The following C5 variants were observed in gnomAD, a reference collection of about 807,000 sequenced individuals.
The protein encoded by C5 is complement C5, also known as C3 and PZP-like alpha-2-macroglobulin domain-containing protein 4.
C5 carries 140 observed loss-of-function variants against 218.8 expected under a neutral mutation model. That is an observed-to-expected ratio of 0.64 (90% confidence interval 0.56 to 0.74). The LOEUF (loss-of-function observed/expected upper bound fraction) is 0.74. Among genes scored for constraint, C5 ranks in the 30% least tolerant of loss-of-function variants. The pLI, the probability that C5 is intolerant of heterozygous loss-of-function variation, is 0.00. For synonymous variants in C5, 614 were observed against 682.3 expected (o/e 0.90, Z 1.56); for missense variants, 1,700 against 1,969.6 (o/e 0.86, Z 2.59).
chr9:121,045,382 C>T (rs187697930), intron 2 of C5, among the ~76,000 whole-genome samples: 36 of 152,024 alleles, frequency 2.4e-4, no homozygotes, highest in East Asian at 1.2e-3. Flanking sequence ...AAACTTAAAA[C>T]GGTACAATCT....
intron 22 of C5, among the ~76,000 whole-genome samples, chr9:120,994,270 T>C (rs1406231556): frequency 1.3e-5 from 2 of 152,128 alleles, no homozygotes; most frequent in South Asian, 2.1e-4. Flanking sequence ...CATAGTTGTA[T>C]AGCGATTTCA....
At chr9:121,023,111 G>A (rs930489729) in intron 10 of C5, among the ~76,000 whole-genome samples, 20 of 152,180 alleles carry the variant, frequency 1.3e-4, no homozygotes, top group African/African-American at 4.3e-4. Flanking sequence ...AGAGTCTTAT[G>A]AGATTTTATT....
intron 5 of C5, among the ~76,000 whole-genome samples, chr9:121,034,248 G>T (rs1295140678): frequency 1.3e-5 from 2 of 152,146 alleles, no homozygotes; most frequent in Non-Finnish European, 2.9e-5. Flanking sequence ...AGCAGGGACT[G>T]TGGATTATTT....
intron 22 of C5, among the ~76,000 whole-genome samples, chr9:120,993,164 G>A (rs950886847): frequency 1.3e-5 from 2 of 152,184 alleles, no homozygotes; most frequent in Admixed American, 6.5e-5. Flanking sequence ...GTGTTGGTGA[G>A]GTTGTGGAGA....
intron 18 of C5, 114 bp from the exon 19 acceptor site, chr9:121,007,091 T>A (rs1224910663): frequency 2.7e-6 from 2 of 750,958 alleles, no homozygotes; most frequent in African/African-American, 1.7e-5. Context: ...AAGAAAAAAA[T>A]TCACGAGATG....
intron 3 of C5, 54 bp downstream of exon 3, chr9:121,042,950 A>G: frequency 7.1e-7 from 1 of 1,411,670 alleles, no homozygotes; most frequent in Non-Finnish European, 1.0e-6. Flanking sequence ...TCTACAATAT[A>G]GTGTCAATAC....
intron 9 of C5, among the ~76,000 whole-genome samples, chr9:121,024,914 CT>C (rs2047406748): frequency 6.6e-6 from 1 of 151,982 alleles, no homozygotes; most frequent in Non-Finnish European, 1.5e-5. Context: ...ATAGATACTG[CT>C]TAAACTGAAC....
At position 121,037,984 on chromosome 9, in the gene C5, G is replaced by T. The variant is rs768010705; in HGVS notation, c.422-33C>A. On this transcript the variant is annotated intron_variant, in intron 3 of 40. Transcript: ENST00000223642. ...AATAATTGATATAATCAAAAACTCT[G>T]CTAAAAACAAGGATATTTTGATTTT... 9.1e-6 allele frequency: 9 copies of T among 987,212 alleles called. 1 individual carries two copies. The South Asian group carries it at 1.3e-4, about 14-fold the overall frequency. 61.2% of individuals were successfully genotyped at this position (987,212 alleles called of 1,614,324 possible). A position where few individuals can be genotyped will look rare whatever the true frequency, so the allele number is the denominator to read the frequency against.
chr9:120,975,125 G>A (rs1456916799), intron 29 of C5, among the ~76,000 whole-genome samples, 194 bp from the exon 30 acceptor site: 1 of 152,184 alleles, frequency 6.6e-6, no homozygotes, highest in Non-Finnish European at 1.5e-5. Context: ...GATGCTGTTA[G>A]CAGGGACAGG....
chr9:120,996,397 A>T, intron 21 of C5, 97 bp from the exon 22 acceptor site: 6 of 1,099,128 alleles, frequency 5.5e-6, no homozygotes, highest in African/African-American at 1.5e-5. Context: ...AAACTAAAAA[A>T]TTATTTTTCT....
intron 18 of C5, 99 bp from the exon 19 acceptor site, chr9:121,007,076 A>G: frequency 1.2e-6 from 1 of 843,982 alleles, no homozygotes; most frequent in Non-Finnish European, 2.0e-6. Flanking sequence ...AAACTACTTT[A>G]GAGAAAGAAA....
chr9:120,953,908 G>A (rs764073544), intron 39 of C5, 40 bp from the exon 40 acceptor site: 7 of 1,607,768 alleles, frequency 4.4e-6, no homozygotes, highest in Admixed American at 3.3e-5. Context: ...TACCATTCAT[G>A]TTTTAATGTC....
chr9:120,999,322 A>G (rs2047141471), intron 20 of C5, among the ~76,000 whole-genome samples: 1 of 152,164 alleles, frequency 6.6e-6, no homozygotes, highest in Admixed American at 6.5e-5. Flanking sequence ...GAAGGGAATG[A>G]CACTGAATAA....
the C5 span, among the ~76,000 whole-genome samples, chr9:121,056,148 C>G: frequency 2.6e-5 from 4 of 152,200 alleles, no homozygotes; most frequent in Non-Finnish European, 4.4e-5. Context: ...ACAAACAAGC[C>G]TGGACTATAA....
chr9:121,060,175 T>G, the C5 span, among the ~76,000 whole-genome samples: 1 of 152,216 alleles, frequency 6.6e-6, no homozygotes. Context: ...AATTAGCAAG[T>G]GTACTTTAAG....
intron 4 of C5, among the ~76,000 whole-genome samples, chr9:121,035,520 C>T (rs2047516751): frequency 6.6e-6 from 1 of 152,106 alleles, no homozygotes; most frequent in South Asian, 2.1e-4. Context: ...CCAATTCAGC[C>T]TTAACTCAAC....
At chr9:120,968,563 G>A (rs1444408717) in intron 33 of C5, among the ~76,000 whole-genome samples, 1 of 152,172 alleles carries the variant, frequency 6.6e-6, no homozygotes, top group Non-Finnish European at 1.5e-5. Flanking sequence ...TATTTAGTTG[G>A]GAGAGGGTTT....
chr9:121,050,222 A>G lies in C5; in HGVS notation c.25T>C (p.Phe9Leu), dbSNP rs776535387. The G allele has an allele frequency of 1.4e-5, 23 of 1,614,006 alleles. No individual in the cohort carries two copies. The highest frequency in any genetic ancestry group is 1.8e-5 in the Non-Finnish European group (21 of 1,179,876). The change falls in exon 1 of 41, where the codon TTT (phenylalanine) becomes CTT (leucine). Residue 9 changes from phenylalanine (F) to leucine (L), a missense_variant. By Grantham distance (22) the Phe-to-Leu change is conservative (BLOSUM62 0). Coordinates refer to ENST00000223642, the MANE Select transcript of C5 (RefSeq NM_001735.3). The part of the protein sequence containing the change: MGLLGILC[F>L]LIFLGKTWGQ... ...CAGGTTTTCCCCAGGAAGATTAAAA[A>G]ACAAAGTATTCCCAAAAGGCCCATG...
chr9:121,018,450 T>A (rs1253826194), intron 12 of C5, among the ~76,000 whole-genome samples: 1 of 151,100 alleles, frequency 6.6e-6, no homozygotes, highest in African/African-American at 2.4e-5. Flanking sequence ...GGTGGGCATA[T>A]GTAATCCCAG....
Sources: allele counts gnomAD v4.1 joint callset (sites outside exome capture counted in the v4.1 genomes callset), GRCh38; gene constraint gnomAD v4.1.1; transcripts MANE v1.5; gene names NCBI Gene and HGNC (gene_info 2026-07-23, HGNC 2026-07-21).